Variants in ACTN4 observed in about 807,000 individuals in gnomAD.
ACTN4 encodes actinin alpha 4.
ACTN4 carries 18 observed loss-of-function variants against 114.2 expected under a neutral mutation model. The ratio of observed to expected loss-of-function variants is 0.16; its 90% confidence interval spans 0.11 to 0.23. The LOEUF is 0.23. ACTN4 is among the 10% of genes least tolerant of loss of function. ACTN4 has a pLI of 1.00. For synonymous variants in ACTN4, 515 were observed against 506.3 expected (o/e 1.02, Z -0.23); for missense variants, 722 against 1,262.9 (o/e 0.57, Z 6.49).
chr19:38,731,012 G>A lies in ACTN4; in HGVS notation c.*1580G>A, dbSNP rs548505409. 2 of 1,553,118 alleles carry A rather than the reference G, an allele frequency of 1.3e-6. No homozygotes were observed. The highest frequency in any genetic ancestry group is 2.7e-5 in the African/African-American group (2 of 73,330). On this transcript the variant is annotated 3_prime_UTR_variant, in exon 21 of 21. Coordinates refer to ENST00000252699, the MANE Select transcript of ACTN4 (RefSeq NM_004924.6). ...ACCCCCTCACCCCCATCCAGGTGCT[G>A]GCTGCAGTGGCCTGTGCAGAGAGGG... is the stretch of plus-strand genomic sequence containing the variant.
At position 38,725,914 on chromosome 19, in the gene ACTN4, G is replaced by A; in HGVS notation, c.2190+11G>A. On this transcript the variant is annotated intron_variant, in intron 17 of 20. Transcript: ENST00000252699. Reference sequence around the variant, plus strand: ...AACTATACCATGGAGGTGCGCGGCTGCCCCGCCCGCTGGCCTTTCCACCAG... The same window carrying A: ...AACTATACCATGGAGGTGCGCGGCTACCCCGCCCGCTGGCCTTTCCACCAG... 1.2e-6 allele frequency: 2 copies of A among 1,613,402 alleles called. No homozygotes were observed. The highest frequency in any genetic ancestry group is 1.7e-6 in the Non-Finnish European group (2 of 1,180,028).
chr19:38,658,660 G>A (rs897020425), intron 1 of ACTN4, among the ~76,000 whole-genome samples: 1 of 152,194 alleles, frequency 6.6e-6, no homozygotes, highest in East Asian at 1.9e-4. Flanking sequence ...AATACAGTCA[G>A]TTTCAAAATT....
At chr19:38,719,208 TGGGAGAG>T (rs1968950485) in intron 11 of ACTN4, among the ~76,000 whole-genome samples, 1 of 152,182 alleles carries the variant, frequency 6.6e-6, no homozygotes, top group Admixed American at 6.5e-5. Context: ...TGCCAGTGCC[TGGGAGAG>T]CCACAAGAGC....
At chr19:38,666,607 G>A (rs917618841) in intron 1 of ACTN4, among the ~76,000 whole-genome samples, 2 of 152,212 alleles carry the variant, frequency 1.3e-5, no homozygotes, top group African/African-American at 2.4e-5. Flanking sequence ...ACACCTCCCC[G>A]CCATCACGGC....
At position 38,727,299 on chromosome 19, in the gene ACTN4, C is replaced by T. The variant is rs544378103; in HGVS notation, c.2337+196C>T. 5.3e-5 allele frequency among the ~76,000 whole-genome samples: 8 copies of T among 152,304 alleles called. No individual in the cohort carries two copies. Among genetic ancestry groups the T allele is most frequent in the African/African-American group, 7.2e-5 (3 of 41,576 alleles). On this transcript the variant is annotated intron_variant, in intron 18 of 20. Transcript: ENST00000252699. The surrounding 1 kb of genome is among the most constrained non-coding windows in gnomAD (Gnocchi z 5.4). ...AGACCCCAGCCTGGGCCACTTCACA[C>T]GCACAGGCAGGGGGCCGGAGGTCCC...
At chr19:38,711,323 G>A (rs778665225) in intron 8 of ACTN4, 33 of 1,043,788 alleles carry the variant, frequency 3.2e-5, no homozygotes, top group South Asian at 1.5e-4. Flanking sequence ...CATGACTTAC[G>A]TGTCCTGCTT....
chr19:38,681,733 C>T (rs1337373888), intron 1 of ACTN4, among the ~76,000 whole-genome samples: 1 of 152,214 alleles, frequency 6.6e-6, no homozygotes, highest in Non-Finnish European at 1.5e-5. Flanking sequence ...TCAGGGTCTC[C>T]CCCAGACCCT....
chr19:38,714,357 C>G, intron 8 of ACTN4, 112 bp from the exon 9 acceptor site: 1 of 940,066 alleles, frequency 1.1e-6, no homozygotes, highest in Non-Finnish European at 1.7e-6. Flanking sequence ...TCCTCTCCTT[C>G]CCCTCTGTGA....
chr19:38,697,629 C>T (rs942714941), intron 1 of ACTN4, among the ~76,000 whole-genome samples: 1 of 152,250 alleles, frequency 6.6e-6, no homozygotes, highest in Non-Finnish European at 1.5e-5. Context: ...GCAGCCCACA[C>T]AGGCCAAGGC....
At chr19:38,687,373 T>C (rs1425098844) in intron 1 of ACTN4, among the ~76,000 whole-genome samples, 4 of 152,194 alleles carry the variant, frequency 2.6e-5, no homozygotes, top group African/African-American at 9.7e-5. Flanking sequence ...ACTCACTAGG[T>C]GGACTTTGTC....
intron 12 of ACTN4, chr19:38,721,891 C>T (rs189013674): frequency 8.2e-5 from 61 of 744,716 alleles, no homozygotes; most frequent in African/African-American, 8.1e-4. Context: ...CCAGGTGGGA[C>T]ACCTGAAGGA....
chr19:38,680,990 G>A (rs1227479415), intron 1 of ACTN4, among the ~76,000 whole-genome samples: 1 of 151,918 alleles, frequency 6.6e-6, no homozygotes, highest in African/African-American at 2.4e-5. Context: ...GCTGGATGTG[G>A]TGGTATGTGC....
chr19:38,685,342 C>A (rs115556275), intron 1 of ACTN4, among the ~76,000 whole-genome samples: 2 of 152,180 alleles, frequency 1.3e-5, no homozygotes, highest in South Asian at 4.1e-4. Context: ...CTTAACACCA[C>A]GAATTAGTTG....
intron 1 of ACTN4, among the ~76,000 whole-genome samples, chr19:38,660,562 A>AT (rs1343162429): frequency 1.3e-5 from 2 of 151,902 alleles, no homozygotes. Flanking sequence ...TGCCTGGCTA[A>AT]TTTTTGTATT....
intron 1 of ACTN4, among the ~76,000 whole-genome samples, chr19:38,687,931 GT>G (rs1253484349): frequency 6.6e-6 from 1 of 152,152 alleles, no homozygotes; most frequent in African/African-American, 2.4e-5. Context: ...AGACACACCA[GT>G]TAAAAATGGG....
At position 38,706,013 on chromosome 19, in the gene ACTN4, C is replaced by G. The variant is rs1385198735; in HGVS notation, c.485-31C>G. On this transcript the variant is annotated intron_variant, in intron 4 of 20. Transcript: ENST00000252699. Reference sequence around the variant, plus strand: ...TGAGTTCTGAGGGTTTATTTTTGAGCCAGTGCTCACTGTCTTTGTGTGTTT... The same window carrying G: ...TGAGTTCTGAGGGTTTATTTTTGAGGCAGTGCTCACTGTCTTTGTGTGTTT... 8 of 1,610,158 alleles carry G rather than the reference C, an allele frequency of 5.0e-6. No homozygotes were observed. In the South Asian group the frequency reaches 7.7e-5, roughly 15 times the overall value.
At position 38,702,701 on chromosome 19, in the gene ACTN4, G is replaced by A. The variant is rs73554707; in HGVS notation, c.397+1580G>A. ...GTCTGGGGCTCTGAACCCTAGGACA[G>A]GGTGGACACTGGGTCCCTCCCCTGT... On this transcript the variant is annotated intron_variant, in intron 3 of 20. Transcript: ENST00000252699. Among the ~76,000 whole-genome samples the A allele has an allele frequency of 9.8e-3, 1,490 of 152,314 alleles. 25 individuals are homozygous for A. Among genetic ancestry groups the A allele is most frequent in the African/African-American group, 0.035 (1,438 of 41,572 alleles).
chr19:38,700,894 A>G, intron 2 of ACTN4, 108 bp from the exon 3 acceptor site: 2 of 1,515,726 alleles, frequency 1.3e-6, no homozygotes, highest in Non-Finnish European at 9.0e-7. Flanking sequence ...CAGCAGAGGA[A>G]CCTGCTTTTG....
At chr19:38,707,831 G>C (rs554293989) in intron 5 of ACTN4, among the ~76,000 whole-genome samples, 15 of 152,334 alleles carry the variant, frequency 9.8e-5, no homozygotes, top group Non-Finnish European at 1.5e-5. Context: ...ACAGCCCTAT[G>C]TAGCAGGTAT....
Sources: gnomAD v4.1 joint callset for allele counts (sites outside exome capture counted in the v4.1 genomes callset) on GRCh38, gnomAD v4.1.1 for gene constraint, Gnocchi (gnomAD v3.1) non-coding constraint, MANE v1.5 for transcripts, NCBI Gene and HGNC (gene_info 2026-07-23, HGNC 2026-07-21) for gene names.